GRK6: variants seen among roughly 807,000 people sequenced by gnomAD.
The protein encoded by GRK6 is G protein-coupled receptor kinase 6.
A neutral mutation model predicts 80.8 loss-of-function variants in GRK6; 37 were observed. The ratio of observed to expected loss-of-function variants is 0.46; its 90% CI spans 0.35 to 0.60. The LOEUF (loss-of-function observed/expected upper bound fraction) is 0.60, where lower values mean the gene tolerates loss of function less well. Ranked by LOEUF, GRK6 falls within the 20% of genes least tolerant of loss-of-function variation. The probability of loss-of-function intolerance (pLI) is 0.00; values close to 1 mark genes in which losing one functional copy is unlikely to be tolerated. For synonymous variants in GRK6, 295 were observed against 320.9 expected, an observed-to-expected ratio of 0.92 and a Z score of 0.86; for missense variants, 560 against 784.6, an observed-to-expected ratio of 0.71 and a Z score of 3.42.
chr5:177,426,220 C>T (rs1763653965), upstream of GRK6, among the ~76,000 whole-genome samples: 1 of 152,196 alleles, frequency 6.6e-6, no homozygotes, highest in Non-Finnish European at 1.5e-5. Context: ...ATACGGAGCG[C>T]GTCCCCGACA....
intron 1 of GRK6, 61 bp from the exon 2 acceptor site, chr5:177,430,811 G>C: frequency 1.4e-6 from 2 of 1,473,092 alleles, no homozygotes; most frequent in Non-Finnish European, 1.9e-6. Flanking sequence ...ACCGCACTGA[G>C]GACCCAGAGG....
In GRK6 at chr5:177,430,862, G is replaced by C. The variant is rs1209378469; in HGVS notation, c.53-10G>C. 6.2e-7 allele frequency: 1 copy of C among 1,613,294 alleles called. No homozygotes were observed. The highest frequency in any genetic ancestry group is 1.3e-5 in the African/African-American group (1 of 75,062). Reference sequence around the variant, plus strand: ...GGGACTCGAGACCCAGTGTCCTATTGCTCCCACAGGTGGCGGTGGAAATCG... The same window carrying C: ...GGGACTCGAGACCCAGTGTCCTATTCCTCCCACAGGTGGCGGTGGAAATCG... On this transcript the variant is annotated splice_polypyrimidine_tract_variant and intron_variant, in intron 1 of 15. Transcript: ENST00000355472.
At chr5:177,437,386 T>C (rs1764211471) in intron 13 of GRK6, among the ~76,000 whole-genome samples, 1 of 152,084 alleles carries the variant, frequency 6.6e-6, no homozygotes, top group Admixed American at 6.6e-5. Context: ...CCTGCACCAA[T>C]GGGGGAGCTC....
intron 12 of GRK6, 50 bp downstream of exon 12, chr5:177,436,331 C>CTT: frequency 6.2e-7 from 1 of 1,605,168 alleles, no homozygotes; most frequent in Admixed American, 1.7e-5. Context: ...GTGGATGCAC[C>CTT]TTTCCCTCCC....
Position 177,429,550 on chromosome 5 carries a change from G to T in GRK6, c.53-1322G>T, listed in dbSNP as rs997987634. 3.9e-5 allele frequency among the ~76,000 whole-genome samples: 6 copies of T among 152,144 alleles called. No homozygotes were observed. Among genetic ancestry groups the T allele is most frequent in the African/African-American group, 1.4e-4 (6 of 41,432 alleles). On this transcript the variant is annotated intron_variant, in intron 1 of 15. Coordinates refer to ENST00000355472, the MANE Select transcript of GRK6 (RefSeq NM_001004106.3). This position sits in a 1 kb window ranked among gnomAD's most constrained non-coding sequence, Gnocchi z 4.3. ...GAAGCAATGACTGCAGGGCATGTTC[G>T]CAGGAGGCCTCTAGCAAGTTTCTCA... is the stretch of plus-strand genomic sequence containing the variant.
At chr5:177,426,218 C>G (rs1763653741), upstream of GRK6, among the ~76,000 whole-genome samples, 1 of 152,222 alleles carries the variant, frequency 6.6e-6, no homozygotes, top group Admixed American at 6.5e-5. Context: ...GGATACGGAG[C>G]GCGTCCCCGA....
In GRK6 at chr5:177,441,689, A is replaced by G. The variant is rs766662355; in HGVS notation, c.1678-48A>G. On this transcript the variant is annotated intron_variant, in intron 15 of 15. Coordinates refer to ENST00000355472, the MANE Select transcript of GRK6 (RefSeq NM_001004106.3). Reference sequence around the variant, plus strand: ...TGTGACGTCCCTCGTGGTTAATGGCACCTGCTCTGCCTCTCTCCCTCCCTC... The same window carrying G: ...TGTGACGTCCCTCGTGGTTAATGGCGCCTGCTCTGCCTCTCTCCCTCCCTC... 8 of 1,480,702 alleles carry G rather than the reference A, an allele frequency of 5.4e-6. No homozygotes were observed. In the East Asian group the frequency reaches 6.8e-5, roughly 13 times the overall value. The allele number at this position is 1,480,702 out of a possible 1,614,324, so 91.7% of individuals were successfully genotyped here. A position where few individuals can be genotyped will look rare whatever the true frequency, so the allele number is the denominator to read the frequency against.
At position 177,440,702 on chromosome 5, in the gene GRK6, C is replaced by T. The variant is rs766400672; in HGVS notation, c.1407C>T (p.Pro469=). 5 of 1,614,088 alleles carry T rather than the reference C, an allele frequency of 3.1e-6. No individual in the cohort carries two copies. The South Asian group carries it at 5.5e-5, about 18-fold the overall frequency. Residue 469 remains proline (P), a splice_region_variant and synonymous_variant, in exon 14 of 16, where the codon CCC becomes CCT. Coordinates refer to ENST00000355472, the MANE Select transcript of GRK6 (RefSeq NM_001004106.3). ...GACCGTTGCCTCTGTCCCACCAGCC[C>T]CAGGCCATTTACTGCAAGGATGTTC... is the stretch of plus-strand genomic sequence containing the variant. ...GMLEPPFKPD[P]QAIYCKDVLD... is the part of the protein sequence containing the mutation.
chr5:177,441,660 C>A (rs755679153), intron 15 of GRK6, 77 bp from the exon 16 acceptor site: 8 of 1,224,214 alleles, frequency 6.5e-6, no homozygotes, highest in Non-Finnish European at 6.1e-6. Context: ...CAGGGTCGGC[C>A]CCATGTGACG....
intron 13 of GRK6, 69 bp from the exon 14 acceptor site, chr5:177,440,631 T>C: frequency 6.3e-7 from 1 of 1,579,258 alleles, no homozygotes; most frequent in African/African-American, 1.3e-5. Flanking sequence ...CGAGGCAGAA[T>C]CAGGGCTGAG....
chr5:177,433,261 C>T, intron 6 of GRK6, 22 bp downstream of exon 6: 1 of 1,613,590 alleles, frequency 6.2e-7, no homozygotes. Context: ...GAAGGCTGGG[C>T]CGGGACAGGC....
At position 177,437,615 on chromosome 5, in the gene GRK6, T is replaced by G. The variant is rs982624811; in HGVS notation, c.1404+1085T>G. Among the ~76,000 whole-genome samples, 8 of 152,296 alleles carry G rather than the reference T, an allele frequency of 5.3e-5. No individual in the cohort carries two copies. The East Asian group carries it at 9.6e-4, about 18-fold the overall frequency. Reference sequence around the variant, plus strand: ...TCACTTAAGCTCACCGTGGAGTGTATTGGTTCATTTGGCCAGAAAGTCCCA... The same window carrying G: ...TCACTTAAGCTCACCGTGGAGTGTAGTGGTTCATTTGGCCAGAAAGTCCCA... On this transcript the variant is annotated intron_variant, in intron 13 of 15. Transcript: ENST00000355472.
Position 177,442,092 on chromosome 5 carries a change from G to A in GRK6, c.*302G>A. The stretch of plus-strand genomic sequence containing the variant: ...CAGAGCATTCTTAATTCCCGCCGCA[G>A]ACCTGGCGCCCCCGCCTTGGCTCCT... On this transcript the variant is annotated 3_prime_UTR_variant, in exon 16 of 16. Transcript: ENST00000355472. 2.6e-6 allele frequency: 1 copy of A among 384,686 alleles called. No homozygotes were observed. The highest frequency in any genetic ancestry group is 5.1e-5 in the South Asian group (1 of 19,718). The allele number at this position is 384,686 out of a possible 1,614,324, so 23.8% of individuals were successfully genotyped here.
intron 11 of GRK6, 104 bp from the exon 12 acceptor site, chr5:177,435,969 C>A (rs543125723): frequency 1.1e-6 from 1 of 946,316 alleles, no homozygotes; most frequent in Non-Finnish European, 1.6e-6. Flanking sequence ...CCCTGGCCAG[C>A]GGGTGTGAGT....
Position 177,436,513 on chromosome 5 carries a change from C to A in GRK6, c.1387C>A (p.Pro463Thr). ...GCGGCTGGGAGCTGGCATGCTGGAGCCGCCGTTCAAGCCTGACGTGAGTGC... is the reference window on the plus strand; with the variant it reads ...GCGGCTGGGAGCTGGCATGCTGGAGACGCCGTTCAAGCCTGACGTGAGTGC... ...FKRLGAGMLEPPFKPDPQAIY... is the reference protein window; with the variant it reads ...FKRLGAGMLETPFKPDPQAIY... The change falls in exon 13 of 16, where the codon CCG (proline) becomes ACG (threonine). Residue 463 changes from proline to threonine, a missense_variant. Transcript: ENST00000355472. 1 of 1,601,674 alleles carries A rather than the reference C, an allele frequency of 6.2e-7. No individual in the cohort carries two copies. Among genetic ancestry groups the A allele is most frequent in the South Asian group, 1.1e-5 (1 of 88,888 alleles).
At chr5:177,432,650 AG>A (rs1258659996) in intron 4 of GRK6, 55 bp from the exon 5 acceptor site, 7 of 1,231,034 alleles carry the variant, frequency 5.7e-6, no homozygotes, top group Non-Finnish European at 8.1e-6. Flanking sequence ...CTCCCCTGGA[AG>A]TGGGCAGCCA....
At position 177,436,225 on chromosome 5, in the gene GRK6, G is replaced by A; in HGVS notation, c.1210G>A (p.Val404Ile). 6.2e-7 allele frequency: 1 copy of A among 1,614,186 alleles called. No individual in the cohort carries two copies. The highest frequency in any genetic ancestry group is 8.5e-7 in the Non-Finnish European group (1 of 1,180,026). ...REEVERLVKE[V>I]PEEYSERFSP... Reference sequence around the variant, plus strand: ...GGAGGTGGAGCGGCTGGTGAAGGAGGTCCCCGAGGAGTATTCCGAGCGCTT... The same window carrying A: ...GGAGGTGGAGCGGCTGGTGAAGGAGATCCCCGAGGAGTATTCCGAGCGCTT... The change falls in exon 12 of 16, where the codon GTC becomes ATC. Residue 404 changes from valine to isoleucine, a missense_variant. Physicochemically the swap from Val to Ile is conservative, Grantham distance 29 (BLOSUM62 3). Coordinates refer to ENST00000355472, the MANE Select transcript of GRK6 (RefSeq NM_001004106.3).
rs531620992 is a variant in GRK6, at chr5:177,432,580, C to T, written c.340-126C>T. 1.9e-5 allele frequency: 14 copies of T among 752,432 alleles called. No homozygotes were observed. In the South Asian group the frequency reaches 2.2e-4, roughly 12 times the overall value. The allele number at this position is 752,432 out of a possible 1,614,324, so 46.6% of individuals were successfully genotyped here. ...AGCAGGAAGGACTTCAGCAACCAGG[C>T]TGGCTGGCACACCCTGGCCTGCAGC... On this transcript the variant is annotated intron_variant, in intron 4 of 15. Coordinates refer to ENST00000355472, the MANE Select transcript of GRK6 (RefSeq NM_001004106.3).
intron 11 of GRK6, among the ~76,000 whole-genome samples, chr5:177,435,537 C>T (rs1341075501): frequency 6.6e-6 from 1 of 152,250 alleles, no homozygotes; most frequent in East Asian, 1.9e-4. Context: ...GGCTCCGCCT[C>T]TTGCCGGTTG....
Sources: allele counts gnomAD v4.1 joint callset (sites outside exome capture counted in the v4.1 genomes callset), GRCh38; gene constraint gnomAD v4.1.1; non-coding constraint Gnocchi (gnomAD v3.1); transcripts MANE v1.5; gene names NCBI Gene and HGNC (gene_info 2026-07-23, HGNC 2026-07-21).